The following HNF4A variants were observed in gnomAD, a reference collection of about 807,000 sequenced individuals.
HNF4A encodes hepatocyte nuclear factor 4-alpha.
A neutral mutation model predicts 52.4 loss-of-function variants in HNF4A; 15 were observed. That is an observed-to-expected ratio of 0.29 (90% CI 0.19 to 0.44). The LOEUF (loss-of-function observed/expected upper bound fraction) is 0.44, where lower values mean the gene tolerates loss of function less well. Ranked by LOEUF, HNF4A falls within the 20% of genes least tolerant of loss-of-function variation. The probability of loss-of-function intolerance (pLI) is 1.00; values close to 1 mark genes in which losing one functional copy is unlikely to be tolerated. For synonymous variants in HNF4A, 280 were observed against 264.4 expected, an observed-to-expected ratio of 1.06 and a Z score of -0.57; for missense variants, 479 against 647.2, an observed-to-expected ratio of 0.74 and a Z score of 2.82.
intron 1 of HNF4A, among the ~76,000 whole-genome samples, chr20:44,391,121 C>T (rs1369464424): frequency 2.0e-5 from 3 of 152,116 alleles, no homozygotes; most frequent in South Asian, 2.1e-4. Context: ...ATCCTCCTTC[C>T]TGAGCTCCAG....
intron 3 of HNF4A, among the ~76,000 whole-genome samples, chr20:44,412,555 GA>G (rs1478199878): frequency 6.6e-6 from 1 of 152,146 alleles, no homozygotes; most frequent in African/African-American, 2.4e-5. Flanking sequence ...GGGCCCTGGG[GA>G]CTTGTGAGGT....
In HNF4A at chr20:44,430,005, T is replaced by G; in HGVS notation, c.*340T>G. Reference sequence around the variant, plus strand: ...GCCTGGAGATGACTTGAGGCCTTACTTAAACCCAGCTCCCTTCTTCCCTAG... The same window carrying G: ...GCCTGGAGATGACTTGAGGCCTTACGTAAACCCAGCTCCCTTCTTCCCTAG... On this transcript the variant is annotated 3_prime_UTR_variant, in exon 10 of 10. Transcript: ENST00000316099. 1 of 312,454 alleles carries G rather than the reference T, an allele frequency of 3.2e-6. No individual in the cohort carries two copies. The highest frequency in any genetic ancestry group is 6.0e-6 in the Non-Finnish European group (1 of 166,950). The allele number at this position is 312,454 out of a possible 1,614,324, so 19.4% of individuals were successfully genotyped here. A position where few individuals can be genotyped will look rare whatever the true frequency, so the allele number is the denominator to read the frequency against.
chr20:44,399,639 C>T (rs1422761224), upstream of HNF4A, among the ~76,000 whole-genome samples: 3 of 152,212 alleles, frequency 2.0e-5, no homozygotes, highest in Non-Finnish European at 4.4e-5. Flanking sequence ...CACATTCACT[C>T]ATTCACTCAC....
In HNF4A at chr20:44,361,078, A is replaced by C. The variant is rs564218874; in HGVS notation, c.49+5225A>C. On this transcript the variant is annotated intron_variant, in intron 1 of 9. Coordinates refer to the HNF4A transcript ENST00000316673. ...GCTGTTCCCACCCTTCATTCTTAAA[A>C]TATGGCCCCTCTCCAGCCCTTCCCC... Among the ~76,000 whole-genome samples, 16 of 152,218 alleles carry C rather than the reference A, an allele frequency of 1.1e-4. No homozygotes were observed. In the South Asian group the frequency reaches 3.3e-3, roughly 32 times the overall value.
intron 1 of HNF4A, among the ~76,000 whole-genome samples, chr20:44,383,346 G>T (rs956582537): frequency 6.6e-6 from 1 of 152,066 alleles, no homozygotes; most frequent in Non-Finnish European, 1.5e-5. Context: ...TCACTATTTT[G>T]CAAATAAGAA....
intron 1 of HNF4A, among the ~76,000 whole-genome samples, chr20:44,388,123 C>CT (rs890521368): frequency 2.6e-5 from 4 of 151,304 alleles, no homozygotes; most frequent in African/African-American, 7.3e-5. Context: ...GAGTCTCACT[C>CT]TATCACCCAG....
At chr20:44,371,800 G>A (rs2063036818) in intron 1 of HNF4A, among the ~76,000 whole-genome samples, 1 of 152,064 alleles carries the variant, frequency 6.6e-6, no homozygotes, top group Admixed American at 6.6e-5. Context: ...TCCAGCCTGG[G>A]CGACAGAGCA....
intron 1 of HNF4A, among the ~76,000 whole-genome samples, chr20:44,359,778 C>G (rs919300358): frequency 6.6e-6 from 1 of 151,256 alleles, no homozygotes; most frequent in Non-Finnish European, 1.5e-5. Flanking sequence ...CACATATAAC[C>G]CCACTGTGTT....
intron 3 of HNF4A, among the ~76,000 whole-genome samples, chr20:44,412,746 C>G (rs920755470): frequency 6.6e-6 from 1 of 152,032 alleles, no homozygotes; most frequent in Admixed American, 6.5e-5. Flanking sequence ...GTCAGGATCA[C>G]GACAGCACTG....
chr20:44,384,550 C>T (rs563094828), intron 1 of HNF4A: 5 of 152,254 alleles, frequency 3.3e-5, no homozygotes, highest in Admixed American at 2.6e-4. Flanking sequence ...CATGGGTCGG[C>T]AGGGGGCGCT....
rs542516321 is a variant in HNF4A, at chr20:44,390,296, G to A, written c.50-15762G>A. On this transcript the variant is annotated intron_variant, in intron 1 of 9. Coordinates refer to the HNF4A transcript ENST00000316673. ...CAGTTGAGCAGAATACTGAAGCAATGCAAGAGTTATGGTTTTTTCCAAGCC... is the reference window on the plus strand; with the variant it reads ...CAGTTGAGCAGAATACTGAAGCAATACAAGAGTTATGGTTTTTTCCAAGCC... 2.5e-4 allele frequency among the ~76,000 whole-genome samples: 38 copies of A among 152,302 alleles called. No homozygotes were observed. The South Asian group carries it at 5.2e-3, about 21-fold the overall frequency.
In HNF4A at chr20:44,429,804, A is replaced by T; in HGVS notation, c.*139A>T. ...AGGAATGGGAAGGATGAAGGGCCCG[A>T]GAACATGGCCTAAGGGCCACATCCC... On this transcript the variant is annotated 3_prime_UTR_variant, in exon 10 of 10. Transcript: ENST00000316099. The T allele has an allele frequency of 4.5e-6, 4 of 885,582 alleles. No homozygotes were observed. The highest frequency in any genetic ancestry group is 7.1e-6 in the Non-Finnish European group (4 of 564,574). 54.9% of individuals were successfully genotyped at this position (885,582 alleles called of 1,614,324 possible). A position where few individuals can be genotyped will look rare whatever the true frequency, so the allele number is the denominator to read the frequency against.
intron 1 of HNF4A, among the ~76,000 whole-genome samples, chr20:44,403,986 C>T (rs578142763): frequency 2.0e-5 from 3 of 152,266 alleles, no homozygotes; most frequent in Non-Finnish European, 2.9e-5. Context: ...AGGGCACCCA[C>T]GTGGCTTAAC....
chr20:44,390,090 A>G (rs1188318856), intron 1 of HNF4A, among the ~76,000 whole-genome samples: 1 of 152,084 alleles, frequency 6.6e-6, no homozygotes, highest in African/African-American at 2.4e-5. Flanking sequence ...GAGAAGTGAA[A>G]TGCCTCGGCT....
At chr20:44,411,555 G>C (rs964380216) in intron 3 of HNF4A, among the ~76,000 whole-genome samples, 1 of 152,152 alleles carries the variant, frequency 6.6e-6, no homozygotes, top group Non-Finnish European at 1.5e-5. Context: ...GGACGGCCCG[G>C]TCAGGGAAGC....
chr20:44,374,662 C>T (rs1473278845), intron 1 of HNF4A, among the ~76,000 whole-genome samples: 1 of 152,158 alleles, frequency 6.6e-6, no homozygotes, highest in Admixed American at 6.5e-5. Context: ...CACAGTTTTA[C>T]CATGTTAGCC....
At chr20:44,357,643 A>G (rs185411634) in intron 1 of HNF4A, among the ~76,000 whole-genome samples, 144 of 152,176 alleles carry the variant, frequency 9.5e-4, no homozygotes, top group Admixed American at 2.2e-3. Context: ...CCTGTGTCAT[A>G]CTCATTATAT....
intron 1 of HNF4A, among the ~76,000 whole-genome samples, chr20:44,361,167 C>T (rs1334259796): frequency 1.3e-5 from 2 of 152,116 alleles, no homozygotes; most frequent in Non-Finnish European, 2.9e-5. Context: ...CTATGATTCA[C>T]AAACCTGGTT....
intron 6 of HNF4A, among the ~76,000 whole-genome samples, chr20:44,419,303 T>A (rs1167320219): frequency 6.6e-6 from 1 of 152,234 alleles, no homozygotes; most frequent in Non-Finnish European, 1.5e-5. Flanking sequence ...ATCTTATAGA[T>A]AAGAAAACTG....
Sources: allele counts gnomAD v4.1 joint callset (sites outside exome capture counted in the v4.1 genomes callset), GRCh38; gene constraint gnomAD v4.1.1; transcripts MANE v1.5; gene names NCBI Gene and HGNC (gene_info 2026-07-23, HGNC 2026-07-21).